SLC12A7: variants seen among roughly 807,000 people sequenced by gnomAD.
SLC12A7 encodes the protein K-Cl cotransporter 4.
Under a neutral mutation model 120.6 loss-of-function variants are expected in SLC12A7, and 100 were observed. The observed-to-expected ratio is 0.83, with a 90% CI of 0.71 to 0.98. The LOEUF is 0.98. Ranked by LOEUF, SLC12A7 falls within the 50% of genes least tolerant of loss-of-function variation. The probability of loss-of-function intolerance (pLI) is 0.00; values close to 1 mark genes in which losing one functional copy is unlikely to be tolerated. For synonymous variants in SLC12A7, 760 were observed against 678.0 expected, an observed-to-expected ratio of 1.12 and a Z score of -1.88; for missense variants, 1,373 against 1,548.1, an observed-to-expected ratio of 0.89 and a Z score of 1.90.
chr5:1,152,247 C>T, the SLC12A7 span, among the ~76,000 whole-genome samples: 6 of 152,230 alleles, frequency 3.9e-5, no homozygotes, highest in Non-Finnish European at 5.9e-5. Context: ...CCTGCACACC[C>T]GGCCACCCAC....
chr5:1,077,757 T>C, intron 12 of SLC12A7, 76 bp downstream of exon 12: 2 of 1,421,198 alleles, frequency 1.4e-6, no homozygotes, highest in Non-Finnish European at 1.9e-6. Flanking sequence ...CACACGGCAC[T>C]GTGAGGATCC....
chr5:1,112,709 C>T (rs1490359749), upstream of SLC12A7, among the ~76,000 whole-genome samples: 2 of 129,972 alleles, frequency 1.5e-5, no homozygotes, highest in Non-Finnish European at 3.2e-5. Context: ...CCACTCCAGG[C>T]TGTCAACACC....
At chr5:1,096,526 A>T (rs900903021) in intron 1 of SLC12A7, among the ~76,000 whole-genome samples, 8 of 151,766 alleles carry the variant, frequency 5.3e-5, no homozygotes, top group Non-Finnish European at 1.2e-4. Flanking sequence ...CAATGGTTTC[A>T]GTGGATTCCT....
chr5:1,063,438 A>G (rs1194975445), intron 20 of SLC12A7, among the ~76,000 whole-genome samples: 2 of 152,174 alleles, frequency 1.3e-5, no homozygotes, highest in African/African-American at 4.8e-5. Context: ...CATGGAGGAC[A>G]CGGAGATGCT....
chr5:1,126,911 C>T, the SLC12A7 span, among the ~76,000 whole-genome samples: 53 of 152,326 alleles, frequency 3.5e-4, no homozygotes, highest in African/African-American at 1.1e-3. Context: ...AGTTCTAACA[C>T]AGGTACCTGT....
chr5:1,062,164 G>A (rs533612941), intron 20 of SLC12A7, among the ~76,000 whole-genome samples: 76 of 152,286 alleles, frequency 5.0e-4, no homozygotes, highest in African/African-American at 1.8e-3. Flanking sequence ...CTGGCACCAC[G>A]GAGGGGCTGG....
chr5:1,074,493 TC>T, intron 16 of SLC12A7, 73 bp downstream of exon 16: 1 of 1,363,034 alleles, frequency 7.3e-7, no homozygotes. Flanking sequence ...GACTCAAAGG[TC>T]CCCACTCAAA....
the SLC12A7 span, among the ~76,000 whole-genome samples, chr5:1,151,598 G>C: frequency 2.6e-3 from 402 of 152,280 alleles, no homozygotes; most frequent in Non-Finnish European, 4.8e-3. This position sits in a 1 kb window ranked among gnomAD's most constrained non-coding sequence, Gnocchi z 6.2. Flanking sequence ...CCAGTGCCAG[G>C]GGTGAAAACC....
chr5:1,076,252 G>T lies in SLC12A7; in HGVS notation c.1749-16C>A. 6.3e-7 allele frequency: 1 copy of T among 1,591,586 alleles called. No homozygotes were observed. On this transcript the variant is annotated splice_polypyrimidine_tract_variant and intron_variant, in intron 13 of 23. Transcript: ENST00000264930. ...GAGGAAGAACCTGCAGGGACGGCCG[G>T]CCACTGATACGGGCCCACTGGGCCC...
At chr5:1,064,945 GGCGAAGAGATGGTGAGGGGACGGTT>G (rs1736842902) in intron 18 of SLC12A7, among the ~76,000 whole-genome samples, 2 of 134,522 alleles carry the variant, frequency 1.5e-5, no homozygotes, top group Non-Finnish European at 3.2e-5. Context: ...GTGAGGGGAC[GGCGAAGAGATGGTGAGGGGACGGTT>G]AGGGGACAGC....
At position 1,073,486 on chromosome 5, in the gene SLC12A7, T is replaced by C. The variant is rs891806173; in HGVS notation, c.2241+147A>G. 4.4e-6 allele frequency: 4 copies of C among 914,486 alleles called. No homozygotes were observed. The African/African-American group carries it at 5.1e-5, about 12-fold the overall frequency. The allele number at this position is 914,486 out of a possible 1,614,324, so 56.6% of individuals were successfully genotyped here. ...GCTCCCAGGCCTTAGCGCGCTGCTC[T>C]GAGCTCAAAGCCACCGCCACGGCTA... On this transcript the variant is annotated intron_variant, in intron 17 of 23. Coordinates refer to ENST00000264930, the MANE Select transcript of SLC12A7 (RefSeq NM_006598.3).
At chr5:1,053,299 C>T (rs1168799691) in intron 23 of SLC12A7, 50 bp downstream of exon 23, 1 of 1,586,024 alleles carries the variant, frequency 6.3e-7, no homozygotes, top group Non-Finnish European at 8.6e-7. Flanking sequence ...TAGCGAGAAG[C>T]CACCAGGGGG....
chr5:1,088,158 G>A (rs1740094904), intron 5 of SLC12A7, 148 bp downstream of exon 5: 1 of 688,666 alleles, frequency 1.5e-6, no homozygotes, highest in Non-Finnish European at 2.4e-6. Flanking sequence ...CGCCAGAGGA[G>A]CCAGTGGAGA....
the SLC12A7 span, among the ~76,000 whole-genome samples, chr5:1,128,578 G>A: frequency 6.6e-6 from 1 of 152,240 alleles, no homozygotes; most frequent in African/African-American, 2.4e-5. Context: ...TGAGACCTCT[G>A]GGGCTCAGTA....
chr5:1,069,380 T>C (rs918452515), intron 17 of SLC12A7, among the ~76,000 whole-genome samples: 1 of 152,124 alleles, frequency 6.6e-6, no homozygotes, highest in East Asian at 1.9e-4. Context: ...GCGGCTGTGG[T>C]TGTGCAGAGA....
At chr5:1,077,698 C>A in intron 12 of SLC12A7, 135 bp downstream of exon 12, 1 of 928,494 alleles carries the variant, frequency 1.1e-6, no homozygotes, top group Non-Finnish European at 1.6e-6. Flanking sequence ...GTGCAGTGGC[C>A]AGGGGCAGAA....
the SLC12A7 span, among the ~76,000 whole-genome samples, chr5:1,153,422 C>T: frequency 1.3e-5 from 2 of 152,246 alleles, no homozygotes; most frequent in Non-Finnish European, 2.9e-5. Flanking sequence ...CCTGCCCCCA[C>T]ACGCTTTCCT....
chr5:1,084,066 G>A (rs1739531886), intron 7 of SLC12A7, 110 bp from the exon 8 acceptor site: 4 of 827,522 alleles, frequency 4.8e-6, no homozygotes, highest in Non-Finnish European at 7.8e-6. Context: ...GTGGCTCCTG[G>A]CACCCTGCAC....
chr5:1,096,795 AGGAGGGAGGGAAGGAAGGAGGGAAGGGAG>A (rs1741250398), intron 1 of SLC12A7, among the ~76,000 whole-genome samples: 1 of 31,410 alleles, frequency 3.2e-5, no homozygotes, highest in Admixed American at 4.6e-4. Context: ...GAGGGAAGGA[AGGAGGGAGGGAAGGAAGGAGGGAAGGGAG>A]GGAAGGAAGG....
Sources: gnomAD v4.1 joint callset for allele counts (sites outside exome capture counted in the v4.1 genomes callset) on GRCh38, gnomAD v4.1.1 for gene constraint, Gnocchi (gnomAD v3.1) non-coding constraint, MANE v1.5 for transcripts, NCBI Gene and HGNC (gene_info 2026-07-23, HGNC 2026-07-21) for gene names.